RGS21: variants seen among roughly 807,000 people sequenced by gnomAD.
The protein encoded by RGS21 is regulator of G protein signaling 21, also known as regulator of G-protein signalling 21.
A neutral mutation model predicts 18.7 loss-of-function variants in RGS21; 19 were observed. That is an observed-to-expected ratio of 1.01 (90% CI 0.71 to 1.49). The LOEUF (loss-of-function observed/expected upper bound fraction) is 1.49, where lower values mean the gene tolerates loss of function less well. Ranked by LOEUF, RGS21 falls within the 40% of genes most tolerant of loss-of-function variation. The probability of loss-of-function intolerance (pLI) is 0.00; values close to 1 mark genes in which losing one functional copy is unlikely to be tolerated. For missense variants in RGS21, 194 were observed against 176.8 expected (o/e 1.10, Z -0.55); for synonymous variants, 56 against 57.8 (o/e 0.97, Z 0.14).
At chr1:192,360,478 A>G (rs1174960870) in intron 4 of RGS21, among the ~76,000 whole-genome samples, 1 of 152,004 alleles carries the variant, frequency 6.6e-6, no homozygotes, top group African/African-American at 2.4e-5. Context: ...ACTTCCCTTT[A>G]TTCTCTGTGA....
chr1:192,335,219 G>C (rs370868345), intron 1 of RGS21, among the ~76,000 whole-genome samples: 38 of 152,086 alleles, frequency 2.5e-4, no homozygotes, highest in African/African-American at 9.2e-4. Context: ...AAACCTGTTT[G>C]AATCCTTTCT....
intron 1 of RGS21, among the ~76,000 whole-genome samples, chr1:192,329,065 G>T (rs1024120677): frequency 2.0e-5 from 3 of 152,024 alleles, no homozygotes; most frequent in African/African-American, 7.2e-5. Context: ...AATCAGGGAA[G>T]TTAATATCAC....
chr1:192,350,752 G>A (rs1056800646), intron 3 of RGS21, among the ~76,000 whole-genome samples: 7 of 152,158 alleles, frequency 4.6e-5, no homozygotes, highest in Non-Finnish European at 8.8e-5. Flanking sequence ...TCCACAGTGG[G>A]AATGTGATAA....
intron 1 of RGS21, among the ~76,000 whole-genome samples, chr1:192,336,486 TC>T (rs1477740237): frequency 1.3e-5 from 2 of 151,886 alleles, no homozygotes; most frequent in African/African-American, 4.8e-5. Context: ...AATAAAAGGC[TC>T]AAGTAGTCAA....
chr1:192,343,803 C>T (rs1006452217), intron 2 of RGS21, among the ~76,000 whole-genome samples: 3 of 151,684 alleles, frequency 2.0e-5, no homozygotes, highest in Non-Finnish European at 2.9e-5. Flanking sequence ...GAAATAAACA[C>T]AGAAATGAAA....
chr1:192,333,417 C>T (rs1658690382), intron 1 of RGS21, among the ~76,000 whole-genome samples: 1 of 151,772 alleles, frequency 6.6e-6, no homozygotes, highest in Admixed American at 6.6e-5. Context: ...TAGATCAAAA[C>T]CCCTAAATAA....
chr1:192,344,077 T>A (rs541332352), intron 2 of RGS21, among the ~76,000 whole-genome samples: 1 of 152,228 alleles, frequency 6.6e-6, no homozygotes, highest in Admixed American at 6.6e-5. Flanking sequence ...TTTTATTTGA[T>A]AGTGTACAAG....
At chr1:192,351,669 T>C (rs769808592) in intron 3 of RGS21, among the ~76,000 whole-genome samples, 5 of 148,064 alleles carry the variant, frequency 3.4e-5, no homozygotes, top group Non-Finnish European at 6.0e-5. Context: ...ATATAACATA[T>C]ATAACACATA....
chr1:192,359,655 G>GTA (rs10638712), intron 4 of RGS21, among the ~76,000 whole-genome samples: 7,918 of 124,226 alleles, frequency 0.064, 315 homozygotes, highest in Non-Finnish European at 0.077. Flanking sequence ...GTGTGTGTGT[G>GTA]TATATATATA....
chr1:192,331,457 G>A (rs533557625), intron 1 of RGS21, among the ~76,000 whole-genome samples: 22 of 152,096 alleles, frequency 1.4e-4, no homozygotes, highest in African/African-American at 5.3e-4. Flanking sequence ...TGAGGCAGGG[G>A]AATCGATTGA....
intron 4 of RGS21, among the ~76,000 whole-genome samples, chr1:192,357,953 G>A (rs143603365): frequency 2.0e-5 from 3 of 151,964 alleles, no homozygotes; most frequent in Non-Finnish European, 2.9e-5. Flanking sequence ...AAAACAAAAG[G>A]CTCAGGTGTT....
At chr1:192,350,975 T>C (rs1004283566) in intron 3 of RGS21, among the ~76,000 whole-genome samples, 2 of 152,174 alleles carry the variant, frequency 1.3e-5, no homozygotes, top group Admixed American at 6.6e-5. Context: ...GTGAGACTCA[T>C]AGAAATCACC....
chr1:192,358,097 A>C (rs1433198190), intron 4 of RGS21, among the ~76,000 whole-genome samples: 1 of 151,976 alleles, frequency 6.6e-6, no homozygotes, highest in Non-Finnish European at 1.5e-5. Flanking sequence ...ATCTATTTTT[A>C]GCCATCCGTA....
At chr1:192,330,151 T>C (rs1053343789) in intron 1 of RGS21, among the ~76,000 whole-genome samples, 7 of 152,152 alleles carry the variant, frequency 4.6e-5, no homozygotes, top group African/African-American at 1.7e-4. Context: ...AGATAAGATA[T>C]GGTCACACAC....
intron 1 of RGS21, among the ~76,000 whole-genome samples, chr1:192,332,951 T>TA (rs567343168): frequency 0.011 from 1,604 of 145,354 alleles, 12 homozygotes; most frequent in African/African-American, 0.021. Flanking sequence ...TTTTTTTAAA[T>TA]AAAAAAAAAC....
intron 3 of RGS21, 40 bp from the exon 4 acceptor site, chr1:192,352,007 G>A: frequency 1.6e-6 from 2 of 1,279,946 alleles, no homozygotes; most frequent in South Asian, 1.5e-5. Flanking sequence ...TTACTACTCT[G>A]TATGCTATTA....
intron 1 of RGS21, among the ~76,000 whole-genome samples, chr1:192,340,329 G>A (rs1450916415): frequency 6.6e-6 from 1 of 152,048 alleles, no homozygotes; most frequent in Non-Finnish European, 1.5e-5. Flanking sequence ...GTGTTGGCTT[G>A]CTATATTTTC....
chr1:192,354,585 C>T (rs761136639), intron 4 of RGS21, among the ~76,000 whole-genome samples: 2 of 151,484 alleles, frequency 1.3e-5, no homozygotes, highest in Non-Finnish European at 3.0e-5. Flanking sequence ...GACTCGGTGA[C>T]ATATTTGAGA....
At position 192,331,350 on chromosome 1, in the gene RGS21, G is replaced by C. The variant is rs113753152; in HGVS notation, c.-60-11627G>C. Among the ~76,000 whole-genome samples, 477 of 152,112 alleles carry C rather than the reference G, an allele frequency of 3.1e-3. 4 individuals carry two copies. The highest frequency in any genetic ancestry group is 0.011 in the African/African-American group (444 of 41,504). ...AGGCAGATCATGAGGTCAGGAGATC[G>C]AGACCAACCTGGCCAACATGGTGAA... On this transcript the variant is annotated intron_variant, in intron 1 of 4. Transcript: ENST00000417209.
Sources: allele counts gnomAD v4.1 joint callset (sites outside exome capture counted in the v4.1 genomes callset), GRCh38; gene constraint gnomAD v4.1.1; transcripts MANE v1.5; gene names NCBI Gene and HGNC (gene_info 2026-07-23, HGNC 2026-07-21).